The following VRK2 variants were observed in gnomAD, a reference collection of about 807,000 sequenced individuals.
VRK2 encodes the protein serine/threonine-protein kinase VRK2.
A neutral mutation model predicts 57.6 loss-of-function variants in VRK2; 60 were observed. The ratio of observed to expected loss-of-function variants is 1.04; its 90% CI spans 0.85 to 1.29. The LOEUF (loss-of-function observed/expected upper bound fraction) is 1.29. Ranked by LOEUF, VRK2 falls within the 50% of genes most tolerant of loss-of-function variation. The pLI is 0.00. For missense variants in VRK2, 705 were observed against 588.1 expected (o/e 1.20, Z -2.06); for synonymous variants, 231 against 199.2 (o/e 1.16, Z -1.35).
chr2:58,147,390 G>C (rs1268357625), intron 12 of VRK2, among the ~76,000 whole-genome samples: 3 of 151,854 alleles, frequency 2.0e-5, no homozygotes, highest in Non-Finnish European at 1.5e-5. Flanking sequence ...TTAAATTTAT[G>C]TAAGGAACTA....
chr2:58,153,748 CTTCTT>C (rs1387244902), intron 12 of VRK2, among the ~76,000 whole-genome samples: 1 of 152,026 alleles, frequency 6.6e-6, no homozygotes, highest in Non-Finnish European at 1.5e-5. Context: ...CCTTCCTCCT[CTTCTT>C]AATTTCTGGA....
chr2:58,159,689 T>C lies in VRK2; in HGVS notation c.1523T>C (p.Leu508Pro), dbSNP rs1272106077. 6.2e-7 allele frequency: 1 copy of C among 1,612,366 alleles called. No homozygotes were observed. The highest frequency in any genetic ancestry group is 8.5e-7 in the Non-Finnish European group (1 of 1,179,410). Residue 508 changes from leucine (L) to proline (P), a missense_variant, in exon 13 of 13, where the codon CTC becomes CCC. Physicochemically the swap from Leu to Pro is moderately conservative, Grantham distance 98. Transcript: ENST00000340157. ...LMLVFLALFFL is the reference protein window; with the variant it reads ...LMLVFLALFFP ...TTAGTATTTCTTGCTTTATTTTTTC[T>C]CTGAAGATGATACCAAAATTCCTTT...
chr2:57,987,585 G>T (rs1672637665), intron 1 of VRK2, among the ~76,000 whole-genome samples: 1 of 152,130 alleles, frequency 6.6e-6, no homozygotes, highest in Non-Finnish European at 1.5e-5. Flanking sequence ...CTCTTTGGAA[G>T]GTGTTTGGAA....
intron 1 of VRK2, among the ~76,000 whole-genome samples, chr2:57,983,782 A>G (rs1188270181): frequency 1.3e-5 from 2 of 152,218 alleles, no homozygotes; most frequent in Non-Finnish European, 2.9e-5. Context: ...AATTTGGAGG[A>G]TTAAACACAG....
At chr2:58,079,586 G>T (rs185599277) in intron 2 of VRK2, among the ~76,000 whole-genome samples, 2 of 152,052 alleles carry the variant, frequency 1.3e-5, no homozygotes, top group East Asian at 3.9e-4. Context: ...ACTTAAATCA[G>T]TAGACAATGG....
intron 10 of VRK2, among the ~76,000 whole-genome samples, chr2:58,136,761 A>G (rs1023726387): frequency 1.2e-4 from 17 of 145,366 alleles, no homozygotes; most frequent in African/African-American, 4.1e-4. Context: ...TGTCATTAAC[A>G]TATATATATA....
intron 11 of VRK2, among the ~76,000 whole-genome samples, chr2:58,140,724 T>C (rs1681209452): frequency 6.6e-6 from 1 of 152,060 alleles, no homozygotes. Context: ...TTGTAGTTGC[T>C]GCAACTGAAG....
chr2:58,048,609 TA>T (rs1370743702), intron 1 of VRK2: 6 of 1,473,532 alleles, frequency 4.1e-6, no homozygotes. Flanking sequence ...TCTGTTTTTT[TA>T]AAATATCTAT....
At chr2:58,157,435 A>AAT (rs1684080470) in intron 12 of VRK2, among the ~76,000 whole-genome samples, 1 of 152,166 alleles carries the variant, frequency 6.6e-6, no homozygotes, top group Non-Finnish European at 1.5e-5. Flanking sequence ...ACTAGGTGTC[A>AAT]ATAGTATCTC....
intron 12 of VRK2, among the ~76,000 whole-genome samples, chr2:58,151,657 T>C (rs1683047738): frequency 6.6e-6 from 1 of 151,044 alleles, no homozygotes; most frequent in South Asian, 2.1e-4. Flanking sequence ...CATTTGTTCT[T>C]TGTCCCTTTT....
intron 1 of VRK2, among the ~76,000 whole-genome samples, chr2:57,976,410 C>T (rs1386450270): frequency 6.6e-6 from 1 of 152,096 alleles, no homozygotes; most frequent in East Asian, 1.9e-4. Flanking sequence ...TCTGTAACCT[C>T]GCAATCATCT....
rs1682302954 is a variant in VRK2 at position 58,147,243 on chromosome 2, G to A, written c.1182+769G>A. The A allele has an allele frequency of 1.6e-5, 8 of 513,978 alleles. No individual in the cohort carries two copies. In the Admixed American group the frequency reaches 1.6e-4, roughly 10 times the overall value. 31.8% of individuals were successfully genotyped at this position (513,978 alleles called of 1,614,324 possible). A position where few individuals can be genotyped will look rare whatever the true frequency, so the allele number is the denominator to read the frequency against. ...TTGACAGCCGAGGCAAAAATTAGAA[G>A]CATAGTACTTATGCATTCTTCAGCC... On this transcript the variant is annotated intron_variant, in intron 12 of 12. Transcript: ENST00000340157.
intron 4 of VRK2, 65 bp downstream of exon 4, chr2:58,085,015 T>C: frequency 6.9e-7 from 1 of 1,459,570 alleles, no homozygotes; most frequent in Non-Finnish European, 9.1e-7. Context: ...TGTTGATATT[T>C]TGGTCTTTTT....
At chr2:58,070,844 G>T (rs531853040) in intron 2 of VRK2, among the ~76,000 whole-genome samples, 32 of 152,250 alleles carry the variant, frequency 2.1e-4, no homozygotes, top group African/African-American at 7.7e-4. Flanking sequence ...GCAGTTCCTG[G>T]ATTGTATACT....
chr2:58,135,760 A>C (rs547304144), intron 10 of VRK2, among the ~76,000 whole-genome samples: 73 of 152,312 alleles, frequency 4.8e-4, no homozygotes, highest in African/African-American at 1.7e-3. Flanking sequence ...TGGAATTTTT[A>C]ATTGACAATG....
chr2:58,028,899 AATAAATATATATATATATAT>A (rs1360644379), intron 2 of VRK2, among the ~76,000 whole-genome samples: 206 of 80,872 alleles, frequency 2.5e-3, no homozygotes, highest in Middle Eastern at 0.011. Context: ...TAAATAAATA[AATAAATATATATATATATAT>A]ATATATATAT....
Position 57,927,800 on chromosome 2 carries a change from A to C in VRK2, c.-439+19961A>C, listed in dbSNP as rs527585705. ...TTCTTTATATTTGAAGGATATTTTC[A>C]CTGGATCTATAATTCTAGGATAAAA... On this transcript the variant is annotated intron_variant, in intron 1 of 15. Coordinates refer to the VRK2 transcript ENST00000417641. 5.3e-4 allele frequency among the ~76,000 whole-genome samples: 80 copies of C among 152,238 alleles called. 1 individual carries two copies. Among genetic ancestry groups the C allele is most frequent in the African/African-American group, 1.8e-3 (74 of 41,544 alleles).
chr2:58,119,765 A>G (rs1439641442), intron 7 of VRK2, among the ~76,000 whole-genome samples: 3 of 151,176 alleles, frequency 2.0e-5, no homozygotes, highest in Non-Finnish European at 4.4e-5. Flanking sequence ...CAGGATATTT[A>G]TATTATTTTA....
intron 1 of VRK2, among the ~76,000 whole-genome samples, chr2:57,956,402 T>A (rs1454162359): frequency 6.6e-6 from 1 of 152,066 alleles, no homozygotes; most frequent in Non-Finnish European, 1.5e-5. Flanking sequence ...CTATAAAATA[T>A]AAAGTAAAAT....
Sources: allele counts gnomAD v4.1 joint callset (sites outside exome capture counted in the v4.1 genomes callset), GRCh38; gene constraint gnomAD v4.1.1; transcripts MANE v1.5; gene names NCBI Gene and HGNC (gene_info 2026-07-23, HGNC 2026-07-21).